PTPRN2: variants seen among roughly 807,000 people sequenced by gnomAD.
PTPRN2 encodes protein tyrosine phosphatase receptor type N2.
PTPRN2 carries 74 observed loss-of-function variants against 118.8 expected under a neutral mutation model. The observed-to-expected ratio is 0.62, with a 90% CI of 0.52 to 0.76. The LOEUF is 0.76. Ranked by LOEUF, PTPRN2 falls within the 30% of genes least tolerant of loss-of-function variation. The pLI is 0.00. For missense variants in PTPRN2, 1,481 were observed against 1,394.4 expected (o/e 1.06, Z -0.99); for synonymous variants, 641 against 608.0 (o/e 1.05, Z -0.80).
intron 12 of PTPRN2, among the ~76,000 whole-genome samples, chr7:157,770,803 C>T (rs544018899): frequency 6.6e-6 from 1 of 152,354 alleles, no homozygotes; most frequent in East Asian, 1.9e-4. Flanking sequence ...GAGGGCCACA[C>T]ATTCTCTGAC....
At chr7:158,011,598 A>G (rs1865458) in intron 11 of PTPRN2, among the ~76,000 whole-genome samples, 128,047 of 152,218 alleles carry the variant, frequency 0.84, 53,959 homozygotes, top group East Asian at 0.87. Flanking sequence ...AAGCAAAGGA[A>G]GATATAAAAT....
chr7:157,547,187 C>A (rs995959452), intron 22 of PTPRN2, among the ~76,000 whole-genome samples: 1 of 152,208 alleles, frequency 6.6e-6, no homozygotes, highest in Non-Finnish European at 1.5e-5. Flanking sequence ...CACGAACACA[C>A]CTGCCTGAGG....
At chr7:158,356,910 T>A (rs937600219) in intron 2 of PTPRN2, among the ~76,000 whole-genome samples, 6 of 152,118 alleles carry the variant, frequency 3.9e-5, no homozygotes, top group Non-Finnish European at 7.4e-5. Flanking sequence ...ATCACGATCA[T>A]CATCGAAACT....
At chr7:157,625,632 T>C (rs1803523164) in intron 14 of PTPRN2, among the ~76,000 whole-genome samples, 2 of 152,126 alleles carry the variant, frequency 1.3e-5, no homozygotes, top group Admixed American at 6.5e-5. Context: ...GTGCAGTGTA[T>C]ACTGCTCAGG....
At chr7:157,839,632 G>C (rs10241068) in intron 12 of PTPRN2, among the ~76,000 whole-genome samples, 4,240 of 151,914 alleles carry the variant, frequency 0.028, 142 homozygotes, top group South Asian at 0.12. Context: ...ATGTGTCTGT[G>C]TATGACTGTG....
intron 3 of PTPRN2, among the ~76,000 whole-genome samples, chr7:158,273,698 C>A (rs1798705235): frequency 1.6e-5 from 2 of 124,560 alleles, no homozygotes; most frequent in South Asian, 5.3e-4. Context: ...GAGCCGCAGA[C>A]ACAGGGGGAG....
At chr7:158,104,919 C>T (rs1348816379) in intron 10 of PTPRN2, among the ~76,000 whole-genome samples, 1 of 145,672 alleles carries the variant, frequency 6.9e-6, no homozygotes, top group South Asian at 2.3e-4. Flanking sequence ...ATCCCAAGTC[C>T]ACACAGCTCC....
intron 12 of PTPRN2, among the ~76,000 whole-genome samples, chr7:157,722,593 A>G (rs904707407): frequency 5.9e-5 from 9 of 152,198 alleles, no homozygotes; most frequent in Admixed American, 5.2e-4. Context: ...CGCCAGAAGC[A>G]ACTCCTGCGT....
chr7:158,501,414 G>A (rs1168277227), intron 1 of PTPRN2, among the ~76,000 whole-genome samples: 3 of 152,202 alleles, frequency 2.0e-5, no homozygotes, highest in South Asian at 2.1e-4. Context: ...CCTGCACCCA[G>A]GACGTGATCA....
At chr7:158,191,224 C>G (rs1825739844) in intron 5 of PTPRN2, among the ~76,000 whole-genome samples, 1 of 152,174 alleles carries the variant, frequency 6.6e-6, no homozygotes, top group Non-Finnish European at 1.5e-5. Context: ...AGAAACTGGG[C>G]CCACATTGCT....
rs1234369518 is a variant in PTPRN2, at chr7:158,570,799, G to A, written c.112+16759C>T. Reference sequence around the variant, plus strand: ...AGCACCAAGGAGAACCGCCTCCTCAGGAACCCTGTGGAGCTCATGGCTTTT... The same window carrying A: ...AGCACCAAGGAGAACCGCCTCCTCAAGAACCCTGTGGAGCTCATGGCTTTT... On this transcript the variant is annotated intron_variant, in intron 1 of 22. Coordinates refer to ENST00000389418, the MANE Select transcript of PTPRN2 (RefSeq NM_002847.5). This position sits in a 1 kb window ranked among gnomAD's most constrained non-coding sequence, Gnocchi z 4.5. 6.6e-6 allele frequency among the ~76,000 whole-genome samples: 1 copy of A among 152,220 alleles called. No individual in the cohort carries two copies. The highest frequency in any genetic ancestry group is 1.5e-5 in the Non-Finnish European group (1 of 68,040).
At position 157,753,772 on chromosome 7, in the gene PTPRN2, C is replaced by A. The variant is rs181604178; in HGVS notation, c.1789-70835G>T. ...CGCTTCCCAGATCGTGGCATGCGTG[C>A]ATGGCTGCAGGTCCCTGCTCTCCTG... On this transcript the variant is annotated intron_variant, in intron 12 of 22. Coordinates refer to ENST00000389418, the MANE Select transcript of PTPRN2 (RefSeq NM_002847.5). Among the ~76,000 whole-genome samples the A allele has an allele frequency of 4.7e-3, 719 of 152,348 alleles. 3 individuals are homozygous for A. The highest frequency in any genetic ancestry group is 7.9e-3 in the Non-Finnish European group (535 of 68,038).
At chr7:157,832,293 T>C (rs1039695409) in intron 12 of PTPRN2, among the ~76,000 whole-genome samples, 1 of 152,176 alleles carries the variant, frequency 6.6e-6, no homozygotes, top group African/African-American at 2.4e-5. Flanking sequence ...ATTCTGCAAA[T>C]TACCGTGTGC....
intron 16 of PTPRN2, among the ~76,000 whole-genome samples, chr7:157,597,611 T>C (rs1801420428): frequency 6.6e-6 from 1 of 152,154 alleles, no homozygotes; most frequent in Admixed American, 6.5e-5. Context: ...CTGGACAGGG[T>C]TGCAGGAGGG....
In PTPRN2 at chr7:158,192,077, G is replaced by A. The variant is rs931798007; in HGVS notation, c.549+250C>T. ...TAAATGGTGGGCTTTCTGGAGTCAC[G>A]ACACCTTGTCCCAAGAAAGATCCTA... On this transcript the variant is annotated intron_variant, in intron 5 of 22. Coordinates refer to ENST00000389418, the MANE Select transcript of PTPRN2 (RefSeq NM_002847.5). Among the ~76,000 whole-genome samples, 9 of 152,218 alleles carry A rather than the reference G, an allele frequency of 5.9e-5. 1 individual carries two copies. The Middle Eastern group carries it at 0.01, about 173-fold the overall frequency.
chr7:157,556,598 AACAC>A (rs996556223), intron 21 of PTPRN2, among the ~76,000 whole-genome samples: 4 of 150,360 alleles, frequency 2.7e-5, no homozygotes, highest in African/African-American at 9.8e-5. Flanking sequence ...CACACATCCA[AACAC>A]ACACACCCCA....
At chr7:157,943,189 A>G (rs569876978) in intron 11 of PTPRN2, among the ~76,000 whole-genome samples, 4 of 152,174 alleles carry the variant, frequency 2.6e-5, no homozygotes, top group Admixed American at 6.5e-5. Context: ...CTAGCCTCGA[A>G]GCCGCATCCT....
chr7:158,219,946 A>G (rs1828231339), intron 3 of PTPRN2, among the ~76,000 whole-genome samples: 1 of 152,026 alleles, frequency 6.6e-6, no homozygotes. Context: ...TCTACCAGAC[A>G]TAGAAAGCAG....
At chr7:158,534,090 G>T (rs529345191) in intron 1 of PTPRN2, among the ~76,000 whole-genome samples, 1 of 139,822 alleles carries the variant, frequency 7.2e-6, no homozygotes, top group African/African-American at 2.6e-5. Flanking sequence ...GATGGCTGTG[G>T]GTGCAGGTTG....
Sources: allele counts gnomAD v4.1 joint callset (sites outside exome capture counted in the v4.1 genomes callset), GRCh38; gene constraint gnomAD v4.1.1; non-coding constraint Gnocchi (gnomAD v3.1); transcripts MANE v1.5; gene names NCBI Gene and HGNC (gene_info 2026-07-23, HGNC 2026-07-21).